RAB38: variants seen among roughly 807,000 people sequenced by gnomAD.
RAB38 encodes ras-related protein Rab-38.
In RAB38, 15 loss-of-function variants were observed where a neutral mutation model predicts 18.4. That is an observed-to-expected ratio of 0.82 (90% CI 0.55 to 1.26). The LOEUF (loss-of-function observed/expected upper bound fraction) is 1.26, where lower values mean the gene tolerates loss of function less well. RAB38 is among the 50% of genes most tolerant of loss of function. The probability of loss-of-function intolerance (pLI) is 0.00; values close to 1 mark genes in which losing one functional copy is unlikely to be tolerated. For missense variants in RAB38, 294 were observed against 267.4 expected (o/e 1.10, Z -0.69); for synonymous variants, 101 against 104.4 (o/e 0.97, Z 0.20).
the RAB38 span, among the ~76,000 whole-genome samples, chr11:87,886,489 C>T: frequency 1.3e-5 from 2 of 151,878 alleles, no homozygotes; most frequent in African/African-American, 4.8e-5. Context: ...TCATCAAGTG[C>T]TGCAAACGGG....
At chr11:87,815,878 G>A in the RAB38 span, 1 of 152,460 alleles carries the variant, frequency 6.6e-6, no homozygotes, top group Non-Finnish European at 1.5e-5. Context: ...GTAGGAAGAG[G>A]CAGATGAAGA....
At chr11:87,822,463 T>C in the RAB38 span, among the ~76,000 whole-genome samples, 1 of 152,200 alleles carries the variant, frequency 6.6e-6, no homozygotes, top group Non-Finnish European at 1.5e-5. Context: ...TCACAAGACT[T>C]CAAACCATGT....
chr11:87,945,743 A>T, the RAB38 span, among the ~76,000 whole-genome samples: 3 of 152,196 alleles, frequency 2.0e-5, no homozygotes, highest in African/African-American at 7.2e-5. Flanking sequence ...CATTCACCTA[A>T]GGTTATGAAA....
chr11:88,097,052 A>C, the RAB38 span, among the ~76,000 whole-genome samples: 1 of 151,924 alleles, frequency 6.6e-6, no homozygotes, highest in Non-Finnish European at 1.5e-5. Context: ...AAGAAAAAAA[A>C]GAGATCTATA....
the RAB38 span, among the ~76,000 whole-genome samples, chr11:87,873,763 C>T: frequency 1.3e-5 from 2 of 150,962 alleles, no homozygotes; most frequent in East Asian, 3.9e-4. Flanking sequence ...TCAGTTGACT[C>T]AATTTGTATT....
chr11:88,151,011 C>T (rs1943057567), intron 1 of RAB38, among the ~76,000 whole-genome samples: 1 of 152,130 alleles, frequency 6.6e-6, no homozygotes, highest in Admixed American at 6.5e-5. Flanking sequence ...TCTCCTACAG[C>T]AAAACACTAA....
intron 1 of RAB38, among the ~76,000 whole-genome samples, chr11:88,174,340 AC>A (rs1346754922): frequency 1.3e-5 from 2 of 152,200 alleles, no homozygotes; most frequent in Non-Finnish European, 2.9e-5. Flanking sequence ...AACTTCTGGT[AC>A]AAACCTGTGG....
chr11:88,175,313 A>T lies in RAB38; in HGVS notation c.72T>A (p.Ser24Arg). The change falls in exon 1 of 3, where the codon AGT (serine) becomes AGA (arginine). Residue 24 changes from serine (S) to arginine (R), a missense_variant. Physicochemically the swap from Ser to Arg is moderately radical, Grantham distance 110. Transcript: ENST00000243662. ...TCTGGTGCACGTAGCGCTTGATGAT[A>T]CTGGTCTTCCCCACGCCCAGGTCGC... ...VIGDLGVGKTSIIKRYVHQNF... is the reference protein window; with the variant it reads ...VIGDLGVGKTRIIKRYVHQNF... The T allele has an allele frequency of 8.1e-6, 13 of 1,614,148 alleles. No homozygotes were observed. Among genetic ancestry groups the T allele is most frequent in the South Asian group, 2.2e-5 (2 of 91,080 alleles).
the RAB38 span, among the ~76,000 whole-genome samples, chr11:88,052,020 G>A: frequency 2.0e-5 from 3 of 152,282 alleles, no homozygotes; most frequent in East Asian, 5.8e-4. Flanking sequence ...CTACTTGGGA[G>A]GCTAAAGCAG....
At chr11:88,147,969 T>TGTA (rs1943012579) in intron 2 of RAB38, among the ~76,000 whole-genome samples, 1 of 152,166 alleles carries the variant, frequency 6.6e-6, no homozygotes, top group African/African-American at 2.4e-5. Context: ...AACTTAATCA[T>TGTA]ACCTTTCAGT....
the RAB38 span, among the ~76,000 whole-genome samples, chr11:87,893,200 C>G: frequency 6.6e-6 from 1 of 150,830 alleles, no homozygotes; most frequent in African/African-American, 2.4e-5. Context: ...TCTCATAAGG[C>G]AGGAAATATC....
the RAB38 span, among the ~76,000 whole-genome samples, chr11:87,948,359 C>T: frequency 6.6e-6 from 1 of 152,146 alleles, no homozygotes; most frequent in African/African-American, 2.4e-5. Context: ...AATTTGACTT[C>T]CTCTTTTCCT....
chr11:87,812,501 C>T, the RAB38 span, among the ~76,000 whole-genome samples: 5,295 of 152,182 alleles, frequency 0.035, 285 homozygotes, highest in African/African-American at 0.12. Flanking sequence ...GGTTTGTATA[C>T]ATATTGTTGA....
At chr11:88,028,819 A>C in the RAB38 span, among the ~76,000 whole-genome samples, 1 of 152,256 alleles carries the variant, frequency 6.6e-6, no homozygotes, top group Admixed American at 6.5e-5. Context: ...GATATTATCC[A>C]GGAGAACTTC....
the RAB38 span, among the ~76,000 whole-genome samples, chr11:87,877,411 T>C: frequency 6.6e-6 from 1 of 151,480 alleles, no homozygotes; most frequent in African/African-American, 2.4e-5. Flanking sequence ...AAATTATTTC[T>C]ATTAGTTGAT....
chr11:88,013,599 C>T, the RAB38 span, among the ~76,000 whole-genome samples: 3 of 152,054 alleles, frequency 2.0e-5, no homozygotes, highest in South Asian at 2.1e-4. Context: ...TGCAGTGAAA[C>T]ACTAAGAGCC....
chr11:87,947,028 T>C, the RAB38 span, among the ~76,000 whole-genome samples: 1 of 152,026 alleles, frequency 6.6e-6, no homozygotes, highest in African/African-American at 2.4e-5. Context: ...GTGTTCCTAT[T>C]TCTCCACATC....
the RAB38 span, among the ~76,000 whole-genome samples, chr11:88,105,134 C>T: frequency 6.6e-6 from 1 of 152,076 alleles, no homozygotes; most frequent in South Asian, 2.1e-4. Context: ...ATGTAAATAA[C>T]ATCACATGTA....
chr11:87,910,403 C>A, the RAB38 span, among the ~76,000 whole-genome samples: 1 of 149,090 alleles, frequency 6.7e-6, no homozygotes, highest in Non-Finnish European at 1.5e-5. Context: ...TTTTCCTAGT[C>A]TGCCTTTTTT....
Sources: allele counts gnomAD v4.1 joint callset (sites outside exome capture counted in the v4.1 genomes callset), GRCh38; gene constraint gnomAD v4.1.1; transcripts MANE v1.5; gene names NCBI Gene and HGNC (gene_info 2026-07-23, HGNC 2026-07-21).